Variants in MTAP observed in about 807,000 individuals in gnomAD.
The protein encoded by MTAP is S-methyl-5'-thioadenosine phosphorylase.
Under a neutral mutation model 33.6 loss-of-function variants are expected in MTAP, and 33 were observed. The ratio of observed to expected loss-of-function variants is 0.98; its 90% CI spans 0.74 to 1.31. The LOEUF (loss-of-function observed/expected upper bound fraction) is 1.31. MTAP is among the 40% of genes most tolerant of loss of function. The probability of loss-of-function intolerance (pLI) is 0.00; values close to 1 mark genes in which losing one functional copy is unlikely to be tolerated. For missense variants in MTAP, 367 were observed against 360.0 expected (o/e 1.02, Z -0.16); for synonymous variants, 148 against 125.7 (o/e 1.18, Z -1.19).
intron 1 of MTAP, among the ~76,000 whole-genome samples, chr9:21,889,572 T>TG (rs1445641619): frequency 1.3e-5 from 2 of 152,164 alleles, no homozygotes; most frequent in Non-Finnish European, 2.9e-5. Flanking sequence ...TCTTGTCCCA[T>TG]GGGGTGTTGT....
chr9:21,927,048 C>A (rs1377312781), intron 1 of MTAP, among the ~76,000 whole-genome samples: 2 of 152,188 alleles, frequency 1.3e-5, no homozygotes, highest in East Asian at 1.9e-4. Flanking sequence ...TCAGGACCCA[C>A]TTCTCTGGGA....
intron 1 of MTAP, among the ~76,000 whole-genome samples, chr9:21,885,548 T>C (rs1425383502): frequency 3.9e-5 from 6 of 152,104 alleles, no homozygotes; most frequent in African/African-American, 1.4e-4. Flanking sequence ...CTGTACCCAA[T>C]ATCTAGTCTT....
At chr9:21,881,400 A>G (rs1245166192) in intron 1 of MTAP, among the ~76,000 whole-genome samples, 1 of 152,080 alleles carries the variant, frequency 6.6e-6, no homozygotes, top group Non-Finnish European at 1.5e-5. Context: ...AAAAGCCAAA[A>G]TAGACAAATG....
At chr9:21,926,736 A>G (rs577071403) in intron 1 of MTAP, among the ~76,000 whole-genome samples, 1 of 152,274 alleles carries the variant, frequency 6.6e-6, no homozygotes, top group African/African-American at 2.4e-5. Flanking sequence ...CTGCTCCCCT[A>G]CAAGAGAGTT....
Position 21,866,253 on chromosome 9 carries a change from A to T in MTAP, c.*4239A>T, listed in dbSNP as rs748168395. ...AGATTGTTTTGTTTTATTATTGAAT[A>T]GTAAGAATTGTTTATATATTCTGGA... On this transcript the variant is annotated 3_prime_UTR_variant, in exon 8 of 8. Coordinates refer to ENST00000644715, the MANE Select transcript of MTAP (RefSeq NM_002451.4). The T allele has an allele frequency of 1.3e-5, 2 of 152,206 alleles. No individual in the cohort carries two copies. Among genetic ancestry groups the T allele is most frequent in the African/African-American group, 2.4e-5 (1 of 41,468 alleles). 9.4% of individuals were successfully genotyped at this position (152,206 alleles called of 1,614,324 possible).
intron 4 of MTAP, among the ~76,000 whole-genome samples, chr9:21,822,040 C>T (rs1037064617): frequency 3.9e-5 from 6 of 152,006 alleles, no homozygotes; most frequent in African/African-American, 1.5e-4. Flanking sequence ...ATTAGTCTTG[C>T]TAGTGGTCTA....
intron 1 of MTAP, among the ~76,000 whole-genome samples, chr9:21,920,446 T>G (rs546927514): frequency 1.3e-5 from 2 of 152,280 alleles, no homozygotes; most frequent in East Asian, 3.9e-4. Flanking sequence ...CATGGGCAAA[T>G]TCAGGTTTTA....
rs890018327 is a variant in MTAP at position 21,826,328 on chromosome 9, C to G, written c.347+8126C>G. Among the ~76,000 whole-genome samples, 10 of 151,650 alleles carry G rather than the reference C, an allele frequency of 6.6e-5. 1 individual carries two copies. Among genetic ancestry groups the G allele is most frequent in the Non-Finnish European group, 1.0e-4 (7 of 67,982 alleles). On this transcript the variant is annotated intron_variant, in intron 4 of 7. Coordinates refer to ENST00000644715, the MANE Select transcript of MTAP (RefSeq NM_002451.4). The stretch of plus-strand genomic sequence containing the variant: ...AGGGTCCACTCATTACACACATAAG[C>G]TTAATAAGCCTTCTAGTCTGGAAGA...
chr9:21,869,592 G>C (rs965628511), downstream of MTAP, among the ~76,000 whole-genome samples: 1 of 152,050 alleles, frequency 6.6e-6, no homozygotes, highest in Non-Finnish European at 1.5e-5. Context: ...CCCTACACCT[G>C]CTTTCCCATC....
In MTAP at chr9:21,904,159, G is replaced by T. The variant is rs74863318; in HGVS notation, c.148-26849G>T. ...CGTTCTGCTGGTCAGTGGCCTGCCA[G>T]TGTGCTGGTGCCTGCTGATGTGCTC... On this transcript the variant is annotated intron_variant, in intron 1 of 1. Transcript: ENST00000577563. 9.1e-3 allele frequency among the ~76,000 whole-genome samples: 1,391 copies of T among 152,284 alleles called. 9 individuals carry two copies. The highest frequency in any genetic ancestry group is 0.032 in the African/African-American group (1,326 of 41,554).
intron 1 of MTAP, among the ~76,000 whole-genome samples, chr9:21,879,162 C>T (rs1186837920): frequency 1.3e-5 from 2 of 152,134 alleles, no homozygotes; most frequent in East Asian, 3.8e-4. Context: ...GCTGAAGTCT[C>T]TCGCTAGTAT....
chr9:21,905,419 G>A (rs1414432300), intron 1 of MTAP, among the ~76,000 whole-genome samples: 2 of 150,276 alleles, frequency 1.3e-5, no homozygotes, highest in Non-Finnish European at 3.0e-5. Context: ...TTAAACATAA[G>A]GCAATAAATT....
intron 1 of MTAP, among the ~76,000 whole-genome samples, chr9:21,876,915 T>C (rs906341370): frequency 4.6e-5 from 7 of 152,162 alleles, no homozygotes; most frequent in African/African-American, 1.7e-4. Context: ...GGTAGTTTGA[T>C]AGGAATAGCA....
In MTAP at chr9:21,816,692, G is replaced by A. The variant is rs370098573; in HGVS notation, c.121-22G>A. ...CTGTTTTTAAATCACTGAGTTAAAT[G>A]TCATTTTTTCATTGCATGCAGCCAT... On this transcript the variant is annotated intron_variant, in intron 2 of 7. Coordinates refer to ENST00000644715, the MANE Select transcript of MTAP (RefSeq NM_002451.4). The A allele has an allele frequency of 6.2e-6, 10 of 1,604,048 alleles. No homozygotes were observed. The African/African-American group carries it at 8.1e-5, about 13-fold the overall frequency.
intron 5 of MTAP, among the ~76,000 whole-genome samples, chr9:21,846,187 G>T (rs1825377471): frequency 6.6e-6 from 1 of 152,058 alleles, no homozygotes; most frequent in East Asian, 1.9e-4. Context: ...AACCTATCTA[G>T]GCCTTGGCTT....
intron 1 of MTAP, among the ~76,000 whole-genome samples, chr9:21,889,549 G>C (rs1391015782): frequency 6.6e-6 from 1 of 152,136 alleles, no homozygotes; most frequent in Non-Finnish European, 1.5e-5. Context: ...CTAAAGGGCT[G>C]CTGTTCAGAT....
intron 4 of MTAP, 110 bp downstream of exon 4, chr9:21,818,312 GC>G: frequency 2.6e-6 from 1 of 381,508 alleles, no homozygotes; most frequent in African/African-American, 2.7e-5. Context: ...CCACAGACTC[GC>G]TTGCTTTTTT....
intron 5 of MTAP, among the ~76,000 whole-genome samples, chr9:21,853,051 T>C (rs571209438): frequency 6.6e-6 from 1 of 152,324 alleles, no homozygotes; most frequent in South Asian, 2.1e-4. Context: ...GTGTTAGCTG[T>C]TCTTGAAGGA....
intron 5 of MTAP, among the ~76,000 whole-genome samples, chr9:21,854,365 G>A (rs1300235667): frequency 6.6e-6 from 1 of 152,182 alleles, no homozygotes; most frequent in Non-Finnish European, 1.5e-5. Flanking sequence ...TGCCTGGCGA[G>A]TAGAAAGAGC....
Sources: allele counts gnomAD v4.1 joint callset (sites outside exome capture counted in the v4.1 genomes callset), GRCh38; gene constraint gnomAD v4.1.1; transcripts MANE v1.5; gene names NCBI Gene and HGNC (gene_info 2026-07-23, HGNC 2026-07-21).